The following KCNMA1 variants were observed in gnomAD, a reference collection of about 807,000 sequenced individuals.
KCNMA1 encodes Calcium-activated potassium channel subunit alpha-1.
Under a neutral mutation model 140.0 loss-of-function variants are expected in KCNMA1, and 29 were observed. The ratio of observed to expected loss-of-function variants is 0.21; its 90% CI spans 0.15 to 0.28. KCNMA1 has a LOEUF of 0.28. KCNMA1 is among the 10% of genes least tolerant of loss of function. The pLI is 1.00. For synonymous variants in KCNMA1, 612 were observed against 611.9 expected (o/e 1.00, Z 0.00); for missense variants, 880 against 1,602.2 (o/e 0.55, Z 7.70).
chr10:76,909,931 C>T (rs2049429087), intron 25 of KCNMA1, 35 bp downstream of exon 25: 1 of 1,608,366 alleles, frequency 6.2e-7, no homozygotes, highest in Non-Finnish European at 8.5e-7. Flanking sequence ...ACATCCTCCA[C>T]CCTTGAGTGA....
chr10:77,060,598 G>A (rs1025564893), intron 14 of KCNMA1, among the ~76,000 whole-genome samples: 1 of 152,182 alleles, frequency 6.6e-6, no homozygotes, highest in Non-Finnish European at 1.5e-5. Context: ...CATGTGAGTT[G>A]CTGATCTTCA....
intron 1 of KCNMA1, among the ~76,000 whole-genome samples, chr10:77,594,799 A>C (rs1181025893): frequency 6.6e-6 from 1 of 152,226 alleles, no homozygotes; most frequent in Non-Finnish European, 1.5e-5. Flanking sequence ...ATGTGGGCAG[A>C]GTATCTGCTC....
intron 2 of KCNMA1, among the ~76,000 whole-genome samples, chr10:77,306,449 G>C (rs1022812054): frequency 1.3e-5 from 2 of 152,118 alleles, no homozygotes; most frequent in African/African-American, 4.8e-5. Context: ...CCAAGTAGAG[G>C]GATCCACATG....
chr10:77,185,139 G>A (rs557032956), intron 3 of KCNMA1, among the ~76,000 whole-genome samples: 9 of 152,016 alleles, frequency 5.9e-5, no homozygotes, highest in Admixed American at 1.3e-4. Flanking sequence ...TATTGTTTTC[G>A]AAATTATTAT....
At chr10:77,271,313 T>A (rs898687576) in intron 2 of KCNMA1, among the ~76,000 whole-genome samples, 5 of 152,314 alleles carry the variant, frequency 3.3e-5, no homozygotes, top group African/African-American at 1.2e-4. Flanking sequence ...GGGTGGAAAG[T>A]CCTTAGATCC....
intron 2 of KCNMA1, among the ~76,000 whole-genome samples, chr10:77,275,846 C>T (rs1383046764): frequency 1.3e-5 from 2 of 152,200 alleles, no homozygotes; most frequent in African/African-American, 4.8e-5. Context: ...AGGCCCAGCC[C>T]AGTTATGTAA....
chr10:76,953,063 G>T (rs1231324365), intron 21 of KCNMA1, among the ~76,000 whole-genome samples: 1 of 152,208 alleles, frequency 6.6e-6, no homozygotes, highest in Non-Finnish European at 1.5e-5. Context: ...TGACATTCCT[G>T]GGAGAGACTG....
At chr10:77,584,015 A>C (rs1368289206) in intron 1 of KCNMA1, among the ~76,000 whole-genome samples, 1 of 152,252 alleles carries the variant, frequency 6.6e-6, no homozygotes, top group Non-Finnish European at 1.5e-5. Context: ...TAAGATGATT[A>C]AATTCTGTGT....
chr10:76,952,669 T>A (rs2066744596), intron 21 of KCNMA1, among the ~76,000 whole-genome samples: 1 of 152,214 alleles, frequency 6.6e-6, no homozygotes, highest in Non-Finnish European at 1.5e-5. Context: ...TGAGACAGCC[T>A]CCAGCTTGAT....
At chr10:77,181,991 G>C (rs904238068) in intron 5 of KCNMA1, among the ~76,000 whole-genome samples, 3 of 152,184 alleles carry the variant, frequency 2.0e-5, no homozygotes, top group African/African-American at 7.2e-5. Context: ...TTAAGAAGAT[G>C]CTTATTTTTT....
chr10:77,377,187 C>T (rs7909999), intron 2 of KCNMA1, among the ~76,000 whole-genome samples: 31,851 of 152,084 alleles, frequency 0.21, 4,187 homozygotes, highest in Non-Finnish European at 0.3. Context: ...AGCTTCCTCC[C>T]GGGCTGCTTC....
chr10:77,593,982 T>A (rs1012227399), intron 1 of KCNMA1, among the ~76,000 whole-genome samples: 11 of 152,208 alleles, frequency 7.2e-5, no homozygotes, highest in South Asian at 2.1e-4. Flanking sequence ...ATTCTCCATT[T>A]GTCTCCCTGC....
chr10:77,012,025 C>T lies in KCNMA1; in HGVS notation c.2034G>A (p.Lys678=), dbSNP rs1441306182. The change falls in exon 18 of 28, where the codon AAG becomes AAA. Residue 678 remains lysine (K), a synonymous_variant. Transcript: ENST00000286628. ...KEVKRAFFYC[K]ACHDDITDPK... is the part of the protein sequence containing the mutation. ...GATCTGTGATGTCATCATGACAGGC[C>T]TTGCAGTAAAAAAATGCCCTGGAGA... The T allele has an allele frequency of 1.2e-6, 2 of 1,613,690 alleles. No homozygotes were observed. The highest frequency in any genetic ancestry group is 3.3e-5 in the Admixed American group (2 of 59,968).
intron 1 of KCNMA1, among the ~76,000 whole-genome samples, chr10:77,508,332 G>A (rs923101763): frequency 3.6e-5 from 5 of 138,796 alleles, no homozygotes; most frequent in Admixed American, 7.6e-5. Flanking sequence ...GCATCACCAT[G>A]CCTGGCTATT....
At chr10:77,560,139 C>T (rs1350552163) in intron 1 of KCNMA1, among the ~76,000 whole-genome samples, 4 of 152,112 alleles carry the variant, frequency 2.6e-5, no homozygotes, top group Non-Finnish European at 4.4e-5. Context: ...GCCAAGATCG[C>T]GCTACTGCAC....
intron 2 of KCNMA1, among the ~76,000 whole-genome samples, chr10:77,274,802 G>T (rs1300188613): frequency 6.6e-6 from 1 of 152,188 alleles, no homozygotes; most frequent in Non-Finnish European, 1.5e-5. Context: ...GAGTAAGTTT[G>T]GTCGGTTAGC....
chr10:76,915,414 G>A (rs997221959), intron 23 of KCNMA1, among the ~76,000 whole-genome samples: 3 of 152,156 alleles, frequency 2.0e-5, no homozygotes, highest in Non-Finnish European at 4.4e-5. Context: ...CCCATGAAAA[G>A]TGAGCAGAGC....
At chr10:77,451,645 C>G (rs2097662225) in intron 1 of KCNMA1, among the ~76,000 whole-genome samples, 1 of 152,132 alleles carries the variant, frequency 6.6e-6, no homozygotes, top group South Asian at 2.1e-4. Context: ...TATTCAAATA[C>G]AGGCCAAGTG....
chr10:77,589,319 G>T (rs1271421026), intron 1 of KCNMA1, among the ~76,000 whole-genome samples: 1 of 152,144 alleles, frequency 6.6e-6, no homozygotes, highest in African/African-American at 2.4e-5. Flanking sequence ...CAGTTAAAAC[G>T]ATGGGGCTGA....
Sources: allele counts gnomAD v4.1 joint callset (sites outside exome capture counted in the v4.1 genomes callset), GRCh38; gene constraint gnomAD v4.1.1; transcripts MANE v1.5; gene names NCBI Gene and HGNC (gene_info 2026-07-23, HGNC 2026-07-21).